Variants in RLF observed in about 807,000 individuals in gnomAD.
RLF encodes the protein zinc finger protein Rlf.
In RLF, 7 loss-of-function variants were observed where a neutral mutation model predicts 162.9. That is an observed-to-expected ratio of 0.04 (90% confidence interval 0.02 to 0.08). The LOEUF (loss-of-function observed/expected upper bound fraction) is 0.08. Among genes scored for constraint, RLF ranks in the 10% least tolerant of loss-of-function variants. The pLI is 1.00. For missense variants in RLF, 1,664 were observed against 2,244.7 expected (o/e 0.74, Z 5.23); for synonymous variants, 782 against 791.5 (o/e 0.99, Z 0.20).
chr1:40,239,566 C>A lies in RLF; in HGVS notation c.4864C>A (p.Arg1622Ser), dbSNP rs61738846. ...KEENRSCESE[R>S]TEHSHSPGDS... ...AGAAAATAGAAGCTGTGAATCAGAG[C>A]GCACAGAACACAGCCATTCCCCGGG... The change falls in exon 8 of 8, where the codon CGC becomes AGC. Residue 1622 changes from arginine to serine, a missense_variant. Transcript: ENST00000372771. The A allele has an allele frequency of 1.2e-6, 2 of 1,614,074 alleles. No homozygotes were observed. Among genetic ancestry groups the A allele is most frequent in the Non-Finnish European group, 1.7e-6 (2 of 1,180,040 alleles).
At position 40,237,416 on chromosome 1, in the gene RLF, C is replaced by T; in HGVS notation, c.2714C>T (p.Ser905Leu). The T allele has an allele frequency of 6.2e-7, 1 of 1,614,012 alleles. No homozygotes were observed. The highest frequency in any genetic ancestry group is 8.5e-7 in the Non-Finnish European group (1 of 1,179,968). The change falls in exon 8 of 8, where the codon TCA becomes TTA. Residue 905 changes from serine (S) to leucine (L), a missense_variant. This residue lies in a region of RLF where 295 missense variants were observed against 317.4 expected (regional missense o/e 0.93). Coordinates refer to ENST00000372771, the MANE Select transcript of RLF (RefSeq NM_012421.4). The surrounding 1 kb of genome is among the most constrained non-coding windows in gnomAD (Gnocchi z 4.4). ...AGTGATCAGTTAAGTCATAGCTCTTCAGCTTCAATGAATGAAGAGCTAATT... is the reference window on the plus strand; with the variant it reads ...AGTGATCAGTTAAGTCATAGCTCTTTAGCTTCAATGAATGAAGAGCTAATT... ...NSSDQLSHSS[S>L]ASMNEELIDT...
chr1:40,229,147 G>A (rs899774825), intron 6 of RLF, among the ~76,000 whole-genome samples: 4 of 152,144 alleles, frequency 2.6e-5, no homozygotes, highest in Non-Finnish European at 5.9e-5. Context: ...AGGATTTACT[G>A]GCTTTGATAA....
chr1:40,170,885 T>C (rs1642234818), intron 1 of RLF, among the ~76,000 whole-genome samples: 1 of 152,328 alleles, frequency 6.6e-6, no homozygotes, highest in Middle Eastern at 3.4e-3. Context: ...CTAATGTATT[T>C]GTTTATTTCT....
chr1:40,227,377 A>C (rs967151393), intron 6 of RLF, among the ~76,000 whole-genome samples: 14 of 152,166 alleles, frequency 9.2e-5, no homozygotes, highest in Non-Finnish European at 1.5e-5. Flanking sequence ...TAGTAATTGA[A>C]GAAGAACTTA....
chr1:40,223,947 T>A (rs1643029507), intron 6 of RLF, among the ~76,000 whole-genome samples: 1 of 152,276 alleles, frequency 6.6e-6, no homozygotes, highest in Non-Finnish European at 1.5e-5. Context: ...GCCAGAGTTA[T>A]ACCTCCTGTG....
At chr1:40,185,914 G>C (rs1642474365) in intron 1 of RLF, among the ~76,000 whole-genome samples, 1 of 150,250 alleles carries the variant, frequency 6.7e-6, no homozygotes. Context: ...CCCAGCACTT[G>C]GGGAGGCCAA....
At chr1:40,202,761 A>G (rs1642734574) in intron 5 of RLF, 147 bp downstream of exon 5, 2 of 527,090 alleles carry the variant, frequency 3.8e-6, no homozygotes, top group Non-Finnish European at 6.5e-6. Flanking sequence ...TTGTATATTT[A>G]ACTGCTCGAC....
intron 1 of RLF, among the ~76,000 whole-genome samples, chr1:40,181,551 G>C (rs1642404788): frequency 1.3e-5 from 2 of 152,290 alleles, no homozygotes; most frequent in Middle Eastern, 3.4e-3. Flanking sequence ...CTTTCTGTTA[G>C]ATTCCATTGT....
chr1:40,238,412 G>A lies in RLF; in HGVS notation c.3710G>A (p.Ser1237Asn), dbSNP rs1193889796. 1 of 1,613,976 alleles carries A rather than the reference G, an allele frequency of 6.2e-7. No individual in the cohort carries two copies. ...CSAELGGDPS[S>N]NSEKPHCHPK... ...GCAGAACTTGGAGGTGATCCCAGTA[G>A]TAACTCTGAGAAACCACACTGTCAT... Residue 1237 changes from serine to asparagine, a missense_variant, in exon 8 of 8, where the codon AGT becomes AAT. Transcript: ENST00000372771. The surrounding 1 kb of genome is among the most constrained non-coding windows in gnomAD (Gnocchi z 5.2).
chr1:40,235,055 A>ATT (rs761816149), intron 7 of RLF, among the ~76,000 whole-genome samples: 8,857 of 105,246 alleles, frequency 0.084, 522 homozygotes, highest in Non-Finnish European at 0.12. Context: ...GATAGAGAGA[A>ATT]TTTTTTTTTT....
chr1:40,234,075 A>G (rs1189037299), intron 7 of RLF, among the ~76,000 whole-genome samples: 1 of 152,192 alleles, frequency 6.6e-6, no homozygotes, highest in African/African-American at 2.4e-5. Context: ...CAGCCTCCCA[A>G]GTAGCTGGGG....
chr1:40,186,462 A>G lies in RLF; in HGVS notation c.238-2593A>G, dbSNP rs540839351. The stretch of plus-strand genomic sequence containing the variant: ...TAGAGCAAACTGGAAGTTCCTCAAG[A>G]GTATTGAATCTTTGAAATTGTGTAG... On this transcript the variant is annotated intron_variant, in intron 1 of 7. Transcript: ENST00000372771. Among the ~76,000 whole-genome samples the G allele has an allele frequency of 3.9e-5, 6 of 152,346 alleles. No individual in the cohort carries two copies. In the South Asian group the frequency reaches 1.2e-3, roughly 32 times the overall value.
chr1:40,214,472 TGC>T (rs1642898964), intron 5 of RLF, among the ~76,000 whole-genome samples: 1 of 152,230 alleles, frequency 6.6e-6, no homozygotes, highest in Non-Finnish European at 1.5e-5. Flanking sequence ...TTTGTCACAC[TGC>T]GCATGTTTGT....
Position 40,240,754 on chromosome 1 carries a change from G to T in RLF, c.*307G>T. The T allele has an allele frequency of 1.1e-5, 3 of 272,316 alleles. No homozygotes were observed. The highest frequency in any genetic ancestry group is 2.1e-5 in the Non-Finnish European group (3 of 141,388). 16.9% of individuals were successfully genotyped at this position (272,316 alleles called of 1,614,324 possible). On this transcript the variant is annotated 3_prime_UTR_variant, in exon 8 of 8. Transcript: ENST00000372771. ...TTTTTCAAATTAAGTGTGCATGATT[G>T]TATATGGAACAAATACTAAGGTCCC...
At chr1:40,185,217 T>C (rs1159952922) in intron 1 of RLF, among the ~76,000 whole-genome samples, 4 of 151,738 alleles carry the variant, frequency 2.6e-5, no homozygotes, top group Admixed American at 2.6e-4. Flanking sequence ...ACCACTGAAC[T>C]CTAGCCGGGT....
chr1:40,189,231 ACT>A (rs755586699), intron 2 of RLF, 22 bp downstream of exon 2: 6 of 1,600,872 alleles, frequency 3.7e-6, no homozygotes, highest in South Asian at 1.1e-5. Flanking sequence ...AACTTAAATC[ACT>A]CTTAAAATTG....
chr1:40,167,417 CAT>C (rs541265486), intron 1 of RLF, among the ~76,000 whole-genome samples: 2 of 152,262 alleles, frequency 1.3e-5, no homozygotes, highest in South Asian at 2.1e-4. Context: ...ATGACAAAAA[CAT>C]AGTATAAATG....
chr1:40,211,537 CATTT>C lies in RLF; in HGVS notation c.810+8925_810+8928del, dbSNP rs1368691266. ...ATTTGTTAAATATACCAATGCAAAA[CATTT>C]AGTACACATAAAGTTATCTTAAAAT... On this transcript the variant is annotated intron_variant, in intron 5 of 7. Transcript: ENST00000372771. 3.3e-5 allele frequency among the ~76,000 whole-genome samples: 5 copies of C among 152,190 alleles called. No homozygotes were observed. The East Asian group carries it at 9.6e-4, about 29-fold the overall frequency.
At chr1:40,163,890 G>A (rs1642130420) in intron 1 of RLF, among the ~76,000 whole-genome samples, 1 of 152,116 alleles carries the variant, frequency 6.6e-6, no homozygotes, top group Non-Finnish European at 1.5e-5. Flanking sequence ...ATTTTCCCCT[G>A]TAGTCCAGAT....
Sources: gnomAD v4.1 joint callset for allele counts (sites outside exome capture counted in the v4.1 genomes callset) on GRCh38, gnomAD v4.1.1 for gene constraint, gnomAD v4.1.1 regional missense constraint, Gnocchi (gnomAD v3.1) non-coding constraint, MANE v1.5 for transcripts, NCBI Gene and HGNC (gene_info 2026-07-23, HGNC 2026-07-21) for gene names.